Variants in RYK observed in about 807,000 individuals in gnomAD.
The protein encoded by RYK is inactive tyrosine-protein kinase RYK.
In RYK, 21 loss-of-function variants were observed where a neutral mutation model predicts 70.2. The observed-to-expected ratio is 0.30, with a 90% confidence interval of 0.21 to 0.43. The LOEUF (loss-of-function observed/expected upper bound fraction) is 0.43, where lower values mean the gene tolerates loss of function less well. Among genes scored for constraint, RYK ranks in the 20% least tolerant of loss-of-function variants. The pLI is 1.00. For missense variants in RYK, 604 were observed against 753.3 expected (o/e 0.80, Z 2.32); for synonymous variants, 267 against 278.0 (o/e 0.96, Z 0.39).
chr3:134,199,239 A>G (rs929572463), intron 6 of RYK, among the ~76,000 whole-genome samples: 6 of 152,256 alleles, frequency 3.9e-5, no homozygotes, highest in African/African-American at 9.6e-5. Flanking sequence ...AGATCTGTTT[A>G]TAACAAGCAG....
chr3:134,180,828 T>C (rs966315921), intron 10 of RYK: 3 of 152,222 alleles, frequency 2.0e-5, no homozygotes, highest in Admixed American at 6.5e-5. Context: ...CAATTAAGCA[T>C]AATCAAGCTA....
intron 6 of RYK, among the ~76,000 whole-genome samples, chr3:134,197,521 C>A (rs949073139): frequency 6.6e-6 from 1 of 152,144 alleles, no homozygotes; most frequent in African/African-American, 2.4e-5. Context: ...TTATAGTATA[C>A]TACTATAGTT....
chr3:134,235,590 A>T (rs2015180282), intron 1 of RYK, among the ~76,000 whole-genome samples: 1 of 152,180 alleles, frequency 6.6e-6, no homozygotes, highest in South Asian at 2.1e-4. Context: ...CTTGAAAAAA[A>T]TTAAAAGAGA....
chr3:134,212,034 G>A (rs886568468), intron 2 of RYK, among the ~76,000 whole-genome samples: 1 of 152,210 alleles, frequency 6.6e-6, no homozygotes, highest in African/African-American at 2.4e-5. Flanking sequence ...GCTGGTGGAG[G>A]AAGGTCTGCT....
In RYK at chr3:134,250,407, C is replaced by G; in HGVS notation, c.232+16G>C. On this transcript the variant is annotated intron_variant, in intron 1 of 14. Transcript: ENST00000623711. ...CGGCCCGACCTGCCCGCCCCGGCCT[C>G]GGCGGCCCCACTCACCGATCAGCCG... 7.3e-7 allele frequency: 1 copy of G among 1,373,830 alleles called. No individual in the cohort carries two copies. The highest frequency in any genetic ancestry group is 9.4e-7 in the Non-Finnish European group (1 of 1,059,838). 85.1% of individuals were successfully genotyped at this position (1,373,830 alleles called of 1,614,324 possible).
chr3:134,238,487 T>A (rs2015244288), intron 1 of RYK, among the ~76,000 whole-genome samples: 2 of 152,198 alleles, frequency 1.3e-5, no homozygotes, highest in Admixed American at 1.3e-4. Flanking sequence ...ACTGCCTTCT[T>A]TCTGCCTAAA....
chr3:134,225,638 G>A (rs1236253112), intron 1 of RYK, among the ~76,000 whole-genome samples: 1 of 152,134 alleles, frequency 6.6e-6, no homozygotes, highest in Non-Finnish European at 1.5e-5. Flanking sequence ...AGGATCCATT[G>A]AGGCTAGGAG....
intron 2 of RYK, among the ~76,000 whole-genome samples, chr3:134,217,751 G>C (rs982693491): frequency 6.6e-6 from 1 of 152,196 alleles, no homozygotes; most frequent in African/African-American, 2.4e-5. Context: ...GGGGAACTAA[G>C]TGGCTGGATT....
intron 1 of RYK, among the ~76,000 whole-genome samples, chr3:134,247,393 A>G (rs2015493826): frequency 6.6e-6 from 1 of 152,180 alleles, no homozygotes; most frequent in East Asian, 1.9e-4. Context: ...CAAAAGCAAG[A>G]GCCTGCTGTG....
chr3:134,219,326 G>A lies in RYK; in HGVS notation c.354+3092C>T, dbSNP rs570796359. Reference sequence around the variant, plus strand: ...CCTGAGCTCATTCCAAATAACAAACGGTGTATTTTAACTGTTTTAAAGGAA... The same window carrying A: ...CCTGAGCTCATTCCAAATAACAAACAGTGTATTTTAACTGTTTTAAAGGAA... On this transcript the variant is annotated intron_variant, in intron 2 of 14. Coordinates refer to ENST00000623711, the MANE Select transcript of RYK (RefSeq NM_002958.4). Among the ~76,000 whole-genome samples the A allele has an allele frequency of 3.3e-5, 5 of 152,056 alleles. No individual in the cohort carries two copies. The East Asian group carries it at 5.8e-4, about 18-fold the overall frequency.
chr3:134,206,999 G>A (rs1249728011), intron 5 of RYK, among the ~76,000 whole-genome samples: 1 of 152,006 alleles, frequency 6.6e-6, no homozygotes, highest in Non-Finnish European at 1.5e-5. Flanking sequence ...AAAGAAGTTT[G>A]TAATAATATC....
intron 1 of RYK, among the ~76,000 whole-genome samples, chr3:134,247,350 C>T (rs962753941): frequency 6.6e-6 from 1 of 151,938 alleles, no homozygotes; most frequent in African/African-American, 2.4e-5. Flanking sequence ...TAGTAGCTAC[C>T]CCTGGAAAGT....
At chr3:134,241,341 C>T (rs1267747918) in intron 1 of RYK, among the ~76,000 whole-genome samples, 1 of 147,696 alleles carries the variant, frequency 6.8e-6, no homozygotes, top group African/African-American at 2.5e-5. Context: ...AAGAGCAAGA[C>T]TCTATCTCAA....
chr3:134,217,696 C>T (rs2014603141), intron 2 of RYK, among the ~76,000 whole-genome samples: 1 of 152,092 alleles, frequency 6.6e-6, no homozygotes, highest in African/African-American at 2.4e-5. Flanking sequence ...CGAACTATTT[C>T]CAAAGGAAAG....
At chr3:134,202,605 C>G (rs753607783) in intron 6 of RYK, 125 bp downstream of exon 6, 7 of 689,868 alleles carry the variant, frequency 1.0e-5, no homozygotes, top group Non-Finnish European at 1.4e-5. Context: ...CTTATTTTTC[C>G]TTTGGCTGGG....
Position 134,222,412 on chromosome 3 carries a change from T to A in RYK, c.354+6A>T, listed in dbSNP as rs1446313005. On this transcript the variant is annotated splice_donor_region_variant and intron_variant, in intron 2 of 14. Transcript: ENST00000623711. ...TCATGATGTCTGTGGTTAGCCACTC[T>A]CTTACCTTGGACTTCGCATGCCAGG... 1.2e-6 allele frequency: 2 copies of A among 1,612,648 alleles called. No homozygotes were observed. Among genetic ancestry groups the A allele is most frequent in the Admixed American group, 1.7e-5 (1 of 60,018 alleles).
At chr3:134,204,689 G>GA (rs2014151603) in intron 5 of RYK, among the ~76,000 whole-genome samples, 1 of 151,222 alleles carries the variant, frequency 6.6e-6, no homozygotes, top group African/African-American at 2.4e-5. Flanking sequence ...AGGCAGAGTG[G>GA]AAGATGCAAA....
chr3:134,211,367 C>T, intron 3 of RYK, 141 bp downstream of exon 3: 1 of 505,916 alleles, frequency 2.0e-6, no homozygotes. Flanking sequence ...CAAATATTTA[C>T]AAAAATTACT....
At chr3:134,212,797 T>C (rs1378261783) in intron 2 of RYK, among the ~76,000 whole-genome samples, 1 of 152,190 alleles carries the variant, frequency 6.6e-6, no homozygotes, top group African/African-American at 2.4e-5. Flanking sequence ...TGGAAGGCGT[T>C]GTTACCCATG....
Sources: gnomAD v4.1 joint callset for allele counts (sites outside exome capture counted in the v4.1 genomes callset) on GRCh38, gnomAD v4.1.1 for gene constraint, MANE v1.5 for transcripts, NCBI Gene and HGNC (gene_info 2026-07-23, HGNC 2026-07-21) for gene names.